Variants in EBF3 observed in about 807,000 individuals in gnomAD.
EBF3 encodes transcription factor COE3.
EBF3 carries 18 observed loss-of-function variants against 77.1 expected under a neutral mutation model. The ratio of observed to expected loss-of-function variants is 0.23; its 90% CI spans 0.16 to 0.35. EBF3 has a LOEUF of 0.35. Among genes scored for constraint, EBF3 ranks in the 10% least tolerant of loss-of-function variants. The pLI, the probability that EBF3 is intolerant of heterozygous loss-of-function variation, is 1.00. For missense variants in EBF3, 558 were observed against 860.0 expected (o/e 0.65, Z 4.39); for synonymous variants, 350 against 343.5 (o/e 1.02, Z -0.21).
chr10:129,842,152 C>G lies in EBF3; in HGVS notation c.1336G>C (p.Val446Leu), dbSNP rs765175172. Residue 446 changes from valine to leucine, a missense_variant, in exon 13 of 17, where the codon GTC (valine) becomes CTC (leucine). Val to Leu is a conservative substitution (Grantham distance 32). This residue lies in a region of EBF3 where 284 missense variants were observed against 368.3 expected (regional missense o/e 0.77). Transcript: ENST00000440978. The surrounding 1 kb of genome is among the most constrained non-coding windows in gnomAD (Gnocchi z 4.4). Reference sequence around the variant, plus strand: ...GCTTGTGACGTCTCTGACACGTTGACGGCTAGCTGGCTGCTGAAGGAGTTG... The same window carrying G: ...GCTTGTGACGTCTCTGACACGTTGAGGGCTAGCTGGCTGCTGAAGGAGTTG... ...GVNSFSSQLAVNVSETSQAND... is the reference protein window; with the variant it reads ...GVNSFSSQLALNVSETSQAND... The G allele has an allele frequency of 5.6e-6, 9 of 1,614,254 alleles. No homozygotes were observed. In the South Asian group the frequency reaches 9.9e-5, roughly 18 times the overall value.
intron 6 of EBF3, among the ~76,000 whole-genome samples, chr10:129,930,567 ATATC>A (rs1856944182): frequency 7.1e-6 from 1 of 140,762 alleles, no homozygotes; most frequent in African/African-American, 2.7e-5. Flanking sequence ...ATACCTGTCT[ATATC>A]TATCTCTATA....
At chr10:129,847,443 G>A (rs1277615092) in intron 11 of EBF3, among the ~76,000 whole-genome samples, 1 of 152,206 alleles carries the variant, frequency 6.6e-6, no homozygotes, top group Non-Finnish European at 1.5e-5. Context: ...ATCTTCCCCA[G>A]CCCTGATGAT....
intron 6 of EBF3, among the ~76,000 whole-genome samples, chr10:129,933,699 C>T (rs1012354013): frequency 2.0e-5 from 3 of 152,206 alleles, no homozygotes; most frequent in African/African-American, 7.2e-5. Context: ...TCCTCTATTC[C>T]TTTCATCAGC....
In EBF3 at chr10:129,887,194, G is replaced by A. The variant is rs767881958; in HGVS notation, c.555-9345C>T. Among the ~76,000 whole-genome samples the A allele has an allele frequency of 7.2e-5, 11 of 152,292 alleles. No homozygotes were observed. The Middle Eastern group carries it at 0.02, about 283-fold the overall frequency. ...GCAACAGCCCACGGCTGGGGAGCAT[G>A]CCACTCGGCCCAACTTTGCACGTCA... On this transcript the variant is annotated intron_variant, in intron 6 of 16. Coordinates refer to ENST00000440978, the MANE Select transcript of EBF3 (RefSeq NM_001375380.1).
chr10:129,956,779 G>GA (rs1224897819), intron 6 of EBF3, among the ~76,000 whole-genome samples: 2 of 152,070 alleles, frequency 1.3e-5, no homozygotes, highest in African/African-American at 4.8e-5. Context: ...GCTACAATTG[G>GA]AAAAAAATTA....
chr10:129,951,965 C>T (rs1858714729), intron 6 of EBF3, among the ~76,000 whole-genome samples: 1 of 152,218 alleles, frequency 6.6e-6, no homozygotes, highest in African/African-American at 2.4e-5. Context: ...CTGGCGCTGC[C>T]AGGGAATAAA....
intron 7 of EBF3, among the ~76,000 whole-genome samples, chr10:129,875,779 C>T (rs2134119392): frequency 6.6e-6 from 1 of 152,336 alleles, no homozygotes. Context: ...TGGGAGGTGG[C>T]TTTGCTGCCC....
chr10:129,882,607 G>T (rs1853285872), intron 6 of EBF3, among the ~76,000 whole-genome samples: 1 of 152,226 alleles, frequency 6.6e-6, no homozygotes, highest in Non-Finnish European at 1.5e-5. Context: ...TTACAGCCCT[G>T]CAAAACCTGT....
rs548194311 is a variant in EBF3, at chr10:129,901,041, A to C, written c.555-23192T>G. ...CCATGCATAATTCTTTGGGCTGGTA[A>C]GTCTTTTTCTGGCACGCCCTCTGAT... On this transcript the variant is annotated intron_variant, in intron 6 of 16. Coordinates refer to ENST00000440978, the MANE Select transcript of EBF3 (RefSeq NM_001375380.1). Among the ~76,000 whole-genome samples the C allele has an allele frequency of 4.4e-4, 67 of 151,690 alleles. No homozygotes were observed. The South Asian group carries it at 0.01, about 23-fold the overall frequency.
chr10:129,936,350 G>A (rs1462167684), intron 6 of EBF3, among the ~76,000 whole-genome samples: 2 of 152,178 alleles, frequency 1.3e-5, no homozygotes, highest in Non-Finnish European at 2.9e-5. Flanking sequence ...GGGCAGGAAG[G>A]CCAGTGCATC....
chr10:129,963,778 T>C lies in EBF3; in HGVS notation c.-10A>G, dbSNP rs757509241. ...CCTGAATCCCAAACATGAAAACTGCTGGCGGCGGCCGCAGCTCCCGGCCGA... is the reference window on the plus strand; with the variant it reads ...CCTGAATCCCAAACATGAAAACTGCCGGCGGCGGCCGCAGCTCCCGGCCGA... On this transcript the variant is annotated 5_prime_UTR_variant, in exon 1 of 17. Transcript: ENST00000440978. This position sits in a 1 kb window ranked among gnomAD's most constrained non-coding sequence, Gnocchi z 7.1. 16 of 1,499,380 alleles carry C rather than the reference T, an allele frequency of 1.1e-5. No homozygotes were observed. The highest frequency in any genetic ancestry group is 1.3e-5 in the Non-Finnish European group (15 of 1,113,932). 92.9% of individuals were successfully genotyped at this position (1,499,380 alleles called of 1,614,324 possible). A position where few individuals can be genotyped will look rare whatever the true frequency, so the allele number is the denominator to read the frequency against.
rs752889731 is a variant in EBF3 at position 129,848,517 on chromosome 10, AC to A, written c.1040-38del. On this transcript the variant is annotated intron_variant, in intron 10 of 16. Coordinates refer to ENST00000440978, the MANE Select transcript of EBF3 (RefSeq NM_001375380.1). The surrounding 1 kb of genome is among the most constrained non-coding windows in gnomAD (Gnocchi z 4.4). ...CACAGAAATGTAGATCAGGTTAATT[AC>A]TTTTATGTCATCCATTACTCGTTTA... 1 of 1,600,588 alleles carries A rather than the reference AC, an allele frequency of 6.2e-7. No homozygotes were observed. The highest frequency in any genetic ancestry group is 8.6e-7 in the Non-Finnish European group (1 of 1,167,674).
rs1310007877 is a variant in EBF3 at position 129,842,662 on chromosome 10, C to A, written c.1195-369G>T. 6.6e-6 allele frequency among the ~76,000 whole-genome samples: 1 copy of A among 150,656 alleles called. No individual in the cohort carries two copies. Among genetic ancestry groups the A allele is most frequent in the African/African-American group, 2.4e-5 (1 of 40,830 alleles). ...GCCTGTAATCCCAGCTACTCGGGAG[C>A]CTGAGGCAGGAGAATCGCTTGAACC... On this transcript the variant is annotated intron_variant, in intron 12 of 16. Coordinates refer to ENST00000440978, the MANE Select transcript of EBF3 (RefSeq NM_001375380.1). The surrounding 1 kb of genome is among the most constrained non-coding windows in gnomAD (Gnocchi z 4.4).
At chr10:129,917,651 CAAAAAAAAAAAAAA>C (rs71481019) in intron 6 of EBF3, among the ~76,000 whole-genome samples, 17 of 23,598 alleles carry the variant, frequency 7.2e-4, no homozygotes, top group Non-Finnish European at 9.0e-4. Context: ...GACCCTGCCT[CAAAAAAAAAAAAAA>C]AAAAAAAAAA....
chr10:129,837,653 C>T lies in EBF3; in HGVS notation c.*290G>A, dbSNP rs915269396. 9 of 411,310 alleles carry T rather than the reference C, an allele frequency of 2.2e-5. No individual in the cohort carries two copies. The highest frequency in any genetic ancestry group is 4.3e-5 in the East Asian group (1 of 23,190). 25.5% of individuals were successfully genotyped at this position (411,310 alleles called of 1,614,324 possible). On this transcript the variant is annotated 3_prime_UTR_variant, in exon 17 of 17. Transcript: ENST00000440978. ...AGTCGGAAACTTTATACAAAATAGG[C>T]GTCGCTTTGTTTTCCTTATTCTTCA...
chr10:129,862,548 G>GGTC (rs1851715805), intron 10 of EBF3, among the ~76,000 whole-genome samples: 4 of 152,182 alleles, frequency 2.6e-5, no homozygotes, highest in African/African-American at 9.6e-5. Context: ...AAGAACACCC[G>GGTC]ACCCAGCCAC....
At chr10:129,867,000 AC>A in intron 10 of EBF3, 140 bp downstream of exon 10, 1 of 1,245,116 alleles carries the variant, frequency 8.0e-7, no homozygotes, top group Non-Finnish European at 1.1e-6. Flanking sequence ...ATCCAGCTAA[AC>A]CCACAGGCCA....
At chr10:129,858,505 A>C (rs1301044317) in intron 10 of EBF3, among the ~76,000 whole-genome samples, 4 of 152,184 alleles carry the variant, frequency 2.6e-5, no homozygotes, top group Admixed American at 2.6e-4. Flanking sequence ...CATGTTCCTT[A>C]GGAAAAACAC....
At chr10:129,869,866 C>T (rs865878262) in intron 8 of EBF3, among the ~76,000 whole-genome samples, 34 of 152,164 alleles carry the variant, frequency 2.2e-4, no homozygotes, top group Non-Finnish European at 1.5e-4. Context: ...TCTGAGGCTT[C>T]CGAATGACAT....
Sources: allele counts gnomAD v4.1 joint callset (sites outside exome capture counted in the v4.1 genomes callset), GRCh38; gene constraint gnomAD v4.1.1; regional missense constraint gnomAD v4.1.1; non-coding constraint Gnocchi (gnomAD v3.1); transcripts MANE v1.5; gene names NCBI Gene and HGNC (gene_info 2026-07-23, HGNC 2026-07-21).